Variants in CRYBG3 observed in about 807,000 individuals in gnomAD.
The protein encoded by CRYBG3 is crystallin beta-gamma domain containing 3, also known as very large A-kinase anchor protein.
CRYBG3 carries 127 observed loss-of-function variants against 244.2 expected under a neutral mutation model. The observed-to-expected ratio is 0.52, with a 90% CI of 0.45 to 0.60. The LOEUF (loss-of-function observed/expected upper bound fraction) is 0.60, where lower values mean the gene tolerates loss of function less well. Among genes scored for constraint, CRYBG3 ranks in the 20% least tolerant of loss-of-function variants. CRYBG3 has a pLI of 0.00. For missense variants in CRYBG3, 3,325 were observed against 3,442.5 expected, an observed-to-expected ratio of 0.97 and a Z score of 0.85; for synonymous variants, 1,132 against 1,195.8, an observed-to-expected ratio of 0.95 and a Z score of 1.10.
At chr3:97,827,871 C>G (rs1291385849) in intron 1 of CRYBG3, among the ~76,000 whole-genome samples, 1 of 152,224 alleles carries the variant, frequency 6.6e-6, no homozygotes, top group Non-Finnish European at 1.5e-5. Flanking sequence ...CAGCTTCCTC[C>G]GCTTAACTTG....
chr3:97,845,857 G>A (rs2038893090), intron 2 of CRYBG3, among the ~76,000 whole-genome samples: 1 of 152,074 alleles, frequency 6.6e-6, no homozygotes, highest in African/African-American at 2.4e-5. Context: ...TTGTGAATCT[G>A]GTTTCCTTTC....
In CRYBG3 at chr3:97,871,944, T is replaced by A. The variant is rs2039307148; in HGVS notation, c.750T>A (p.Thr250=). ...TAAAGCAACAGACAGGCTTGGCAAC[T>A]GTGAATACCTTGGACAGAGAAAATG... is the stretch of plus-strand genomic sequence containing the variant. ...KYLKQQTGLA[T]VNTLDRENES... is the part of the protein sequence containing the mutation. The change falls in exon 4 of 22, where the codon ACT becomes ACA. Residue 250 remains threonine (T), a synonymous_variant. Coordinates refer to ENST00000389622, the MANE Select transcript of CRYBG3 (RefSeq NM_153605.4). The A allele has an allele frequency of 2.0e-6, 3 of 1,535,856 alleles. No homozygotes were observed. Among genetic ancestry groups the A allele is most frequent in the Non-Finnish European group, 2.6e-6 (3 of 1,146,712 alleles).
chr3:97,873,187 A>T lies in CRYBG3; in HGVS notation c.1993A>T (p.Met665Leu). The T allele has an allele frequency of 6.5e-7, 1 of 1,535,942 alleles. No homozygotes were observed. Among genetic ancestry groups the T allele is most frequent in the Non-Finnish European group, 8.7e-7 (1 of 1,146,794 alleles). ...SPPTFVSGVG[M>L]LSKLDIPDLM... ...TCCTACCTTTGTTTCTGGAGTTGGG[A>T]TGCTGAGCAAGTTGGATATTCCTGA... The change falls in exon 4 of 22, where the codon ATG becomes TTG. Residue 665 changes from methionine (M) to leucine (L), a missense_variant. By Grantham distance (15) the Met-to-Leu change is conservative. Around this residue, in one of 4 missense-constraint regions of CRYBG3, gnomAD observed 1,526 missense variants for 1,443.2 expected, o/e 1.06. Coordinates refer to ENST00000389622, the MANE Select transcript of CRYBG3 (RefSeq NM_153605.4).
intron 2 of CRYBG3, among the ~76,000 whole-genome samples, chr3:97,851,409 G>A (rs1185541967): frequency 6.6e-6 from 1 of 152,178 alleles, no homozygotes; most frequent in African/African-American, 2.4e-5. Context: ...ATGAAAGTAT[G>A]TAAGATTATT....
chr3:97,842,427 AGCAT>A (rs984113683), intron 1 of CRYBG3, among the ~76,000 whole-genome samples: 11 of 151,930 alleles, frequency 7.2e-5, no homozygotes, highest in Non-Finnish European at 1.2e-4. Flanking sequence ...TGGGCATGGT[AGCAT>A]GCACCTGTAG....
intron 15 of CRYBG3, among the ~76,000 whole-genome samples, chr3:97,905,822 G>T (rs1429833869): frequency 1.3e-5 from 1 of 77,844 alleles, no homozygotes; most frequent in African/African-American, 3.7e-5. Flanking sequence ...CCTTGCCCAT[G>T]CCTATGTCCT....
intron 1 of CRYBG3, among the ~76,000 whole-genome samples, chr3:97,822,775 G>A (rs2038522704): frequency 6.6e-6 from 1 of 152,258 alleles, no homozygotes; most frequent in African/African-American, 2.4e-5. Flanking sequence ...GTCGGCCAGG[G>A]GAATTGGGGG....
At chr3:97,870,646 A>G (rs2039291826) in intron 3 of CRYBG3, among the ~76,000 whole-genome samples, 1 of 152,202 alleles carries the variant, frequency 6.6e-6, no homozygotes, top group African/African-American at 2.4e-5. Context: ...AGGTAATTAG[A>G]GTTCAAAATG....
intron 11 of CRYBG3, 33 bp from the exon 12 acceptor site, chr3:97,895,926 A>T (rs2039634376): frequency 1.3e-6 from 2 of 1,599,138 alleles, no homozygotes; most frequent in South Asian, 2.2e-5. Context: ...CAGTTTTATT[A>T]ATGGGTCATT....
chr3:97,836,353 C>T (rs1020272363), intron 1 of CRYBG3, among the ~76,000 whole-genome samples: 3 of 151,918 alleles, frequency 2.0e-5, no homozygotes, highest in Non-Finnish European at 4.4e-5. Context: ...AGAAATAGTG[C>T]CATAACCACC....
chr3:97,879,910 A>G, intron 5 of CRYBG3, 75 bp from the exon 6 acceptor site: 3 of 964,570 alleles, frequency 3.1e-6, no homozygotes, highest in South Asian at 2.9e-5. Flanking sequence ...TCTATGTTCT[A>G]GGACATTTTA....
chr3:97,838,057 T>G (rs1038410939), intron 1 of CRYBG3, among the ~76,000 whole-genome samples: 2 of 152,058 alleles, frequency 1.3e-5, no homozygotes, highest in Non-Finnish European at 2.9e-5. Flanking sequence ...CTTTCTTACC[T>G]CATGAGAAAT....
intron 2 of CRYBG3, among the ~76,000 whole-genome samples, chr3:97,857,740 C>T (rs190733510): frequency 5.7e-4 from 87 of 152,080 alleles, no homozygotes; most frequent in African/African-American, 1.9e-3. Flanking sequence ...TTTTAGGTAG[C>T]ATATAGTTGA....
chr3:97,843,271 T>A lies in CRYBG3; in HGVS notation c.216+10T>A. ...ATCAGAAGCAGTAAAGGTATAGTTT[T>A]AAATTAATATTATTTTATATCAAGC... On this transcript the variant is annotated intron_variant, in intron 2 of 21. Transcript: ENST00000389622. 1 of 1,289,430 alleles carries A rather than the reference T, an allele frequency of 7.8e-7. No individual in the cohort carries two copies. 79.9% of individuals were successfully genotyped at this position (1,289,430 alleles called of 1,614,324 possible). A position where few individuals can be genotyped will look rare whatever the true frequency, so the allele number is the denominator to read the frequency against.
intron 1 of CRYBG3, among the ~76,000 whole-genome samples, chr3:97,838,942 A>G (rs931663995): frequency 6.6e-6 from 1 of 152,088 alleles, no homozygotes; most frequent in Non-Finnish European, 1.5e-5. Flanking sequence ...GTCCAAATAA[A>G]GTTGCTTGAA....
chr3:97,869,050 A>G (rs1007185339), intron 3 of CRYBG3, among the ~76,000 whole-genome samples: 5 of 151,132 alleles, frequency 3.3e-5, no homozygotes, highest in African/African-American at 1.2e-4. Flanking sequence ...GTATCTTCAT[A>G]TGTTGTTCTG....
Position 97,876,161 on chromosome 3 carries a change from T to G in CRYBG3, c.4967T>G (p.Val1656Gly), listed in dbSNP as rs192757851. 123 of 1,231,170 alleles carry G rather than the reference T, an allele frequency of 1.0e-4. No individual in the cohort carries two copies. The African/African-American group carries it at 1.6e-3, about 16-fold the overall frequency. 76.3% of individuals were successfully genotyped at this position (1,231,170 alleles called of 1,614,324 possible). A position where few individuals can be genotyped will look rare whatever the true frequency, so the allele number is the denominator to read the frequency against. ...CAAAAGGATGCTGAAGGGGATATTGTAAAGACTGAGATGACACCTGTTACA... is the reference window on the plus strand; with the variant it reads ...CAAAAGGATGCTGAAGGGGATATTGGAAAGACTGAGATGACACCTGTTACA... ...IHQKDAEGDI[V>G]KTEMTPVTVD... Residue 1656 changes from valine to glycine, a missense_variant, in exon 4 of 22, where the codon GTA becomes GGA. Val to Gly is a moderately radical substitution (Grantham distance 109). Transcript: ENST00000389622.
intron 14 of CRYBG3, 54 bp downstream of exon 14, chr3:97,899,317 A>C: frequency 6.5e-7 from 1 of 1,547,082 alleles, no homozygotes; most frequent in South Asian, 1.2e-5. Flanking sequence ...TATGCAATTA[A>C]ATATGTGGAA....
intron 17 of CRYBG3, among the ~76,000 whole-genome samples, chr3:97,926,048 G>A (rs879506771): frequency 7.9e-5 from 12 of 152,098 alleles, no homozygotes; most frequent in African/African-American, 7.2e-5. Flanking sequence ...GACCCTGGGC[G>A]TGTTTCTGAC....
Sources: gnomAD v4.1 joint callset for allele counts (sites outside exome capture counted in the v4.1 genomes callset) on GRCh38, gnomAD v4.1.1 for gene constraint, gnomAD v4.1.1 regional missense constraint, MANE v1.5 for transcripts, NCBI Gene and HGNC (gene_info 2026-07-23, HGNC 2026-07-21) for gene names.